The following CAPS2 variants were observed in gnomAD, a reference collection of about 807,000 sequenced individuals.
CAPS2 encodes calcyphosine 2.
Under a neutral mutation model 86.5 loss-of-function variants are expected in CAPS2, and 98 were observed. That is an observed-to-expected ratio of 1.13 (90% CI 0.96 to 1.34). The LOEUF (loss-of-function observed/expected upper bound fraction) is 1.34, where lower values mean the gene tolerates loss of function less well. CAPS2 is among the 40% of genes most tolerant of loss of function. The pLI is 0.00. For missense variants in CAPS2, 729 were observed against 686.8 expected (o/e 1.06, Z -0.69); for synonymous variants, 210 against 225.1 (o/e 0.93, Z 0.60).
chr12:75,304,730 CATTTTATGTAATTAAA>C lies in CAPS2; in HGVS notation c.779+11_779+26del. ...ATACTTTTAGAACATAGTGCATCCT[CATTTTATGTAATTAAA>C]ATCTTCTTACTTTGTTTCATGTAGT... On this transcript the variant is annotated intron_variant, in intron 8 of 16. Transcript: ENST00000393284. The C allele has an allele frequency of 6.7e-7, 1 of 1,495,506 alleles. No individual in the cohort carries two copies. The highest frequency in any genetic ancestry group is 9.1e-7 in the Non-Finnish European group (1 of 1,094,084). The allele number at this position is 1,495,506 out of a possible 1,614,324, so 92.6% of individuals were successfully genotyped here.
At chr12:75,377,631 G>A (rs902296360) in intron 1 of CAPS2, among the ~76,000 whole-genome samples, 5 of 152,070 alleles carry the variant, frequency 3.3e-5, no homozygotes, top group East Asian at 3.9e-4. Flanking sequence ...CTCACAAGTC[G>A]GCTCATTCCA....
intron 1 of CAPS2, among the ~76,000 whole-genome samples, chr12:75,341,745 C>CTGTTTTT (rs1565956607): frequency 7.1e-6 from 1 of 141,114 alleles, no homozygotes; most frequent in African/African-American, 2.7e-5. Context: ...CGCGCCCGGC[C>CTGTTTTT]TCTTTTTTTT....
chr12:75,334,572 C>G, upstream of CAPS2: 1 of 1,427,368 alleles, frequency 7.0e-7, no homozygotes, highest in Non-Finnish European at 9.1e-7. Flanking sequence ...TTCCCCACAG[C>G]GACACTGACA....
intron 9 of CAPS2, 148 bp downstream of exon 9, chr12:75,299,689 G>A: frequency 2.4e-6 from 1 of 419,366 alleles, no homozygotes; most frequent in Non-Finnish European, 4.3e-6. Flanking sequence ...CAGATTAATA[G>A]CTATTATTTT....
upstream of CAPS2, chr12:75,330,165 C>A: frequency 3.5e-6 from 1 of 284,142 alleles, no homozygotes; most frequent in South Asian, 1.6e-4. Flanking sequence ...TACGCCACCT[C>A]CCGCCCCCGC....
At chr12:75,362,922 T>G (rs980402511) in intron 1 of CAPS2, among the ~76,000 whole-genome samples, 17 of 152,304 alleles carry the variant, frequency 1.1e-4, no homozygotes, top group African/African-American at 4.1e-4. Context: ...ATTCATCCTG[T>G]AAGGAATTGT....
intron 2 of CAPS2, among the ~76,000 whole-genome samples, chr12:75,324,341 G>A (rs2040574001): frequency 6.6e-6 from 1 of 152,136 alleles, no homozygotes; most frequent in Non-Finnish European, 1.5e-5. Context: ...CTATGTATTT[G>A]ATTAATATTT....
intron 1 of CAPS2, among the ~76,000 whole-genome samples, chr12:75,375,245 C>G (rs897422625): frequency 6.6e-6 from 1 of 152,086 alleles, no homozygotes; most frequent in African/African-American, 2.4e-5. Flanking sequence ...ATCCAGGGAC[C>G]CACTGGCCCC....
intron 1 of CAPS2, among the ~76,000 whole-genome samples, chr12:75,335,811 T>G (rs1336301578): frequency 6.6e-6 from 1 of 152,032 alleles, no homozygotes; most frequent in African/African-American, 2.4e-5. Context: ...GTTTACCAGC[T>G]TGGGGTTGTC....
At chr12:75,303,631 C>G (rs1247614182) in intron 8 of CAPS2, among the ~76,000 whole-genome samples, 1 of 152,226 alleles carries the variant, frequency 6.6e-6, no homozygotes, top group African/African-American at 2.4e-5. Flanking sequence ...TTAAAAAGGA[C>G]AGTTTAGATG....
intron 4 of CAPS2, 135 bp from the exon 5 acceptor site, chr12:75,321,711 G>C (rs2040321985): frequency 7.4e-6 from 5 of 673,148 alleles, no homozygotes; most frequent in Non-Finnish European, 1.3e-5. Flanking sequence ...TCTAAGCAGA[G>C]ATGGTATTTA....
intron 1 of CAPS2, among the ~76,000 whole-genome samples, chr12:75,346,458 T>C (rs562003011): frequency 6.6e-6 from 1 of 152,196 alleles, no homozygotes; most frequent in Admixed American, 6.5e-5. Flanking sequence ...TGGCGTGATC[T>C]CAACTCACTG....
chr12:75,356,123 C>G (rs376940722), intron 1 of CAPS2, among the ~76,000 whole-genome samples: 1 of 151,604 alleles, frequency 6.6e-6, no homozygotes, highest in Non-Finnish European at 1.5e-5. Flanking sequence ...GCATTTTTAC[C>G]CTGGAACTTA....
intron 5 of CAPS2, among the ~76,000 whole-genome samples, chr12:75,316,939 T>A (rs1317810592): frequency 1.3e-5 from 2 of 152,130 alleles, no homozygotes; most frequent in Non-Finnish European, 2.9e-5. Flanking sequence ...TCTTTGACTA[T>A]GCGTTTACGC....
intron 1 of CAPS2, chr12:75,373,462 C>T (rs1593895198): frequency 6.6e-6 from 1 of 152,150 alleles, no homozygotes; most frequent in East Asian, 1.9e-4. Flanking sequence ...CTTCCAAGTC[C>T]CTGACCATCT....
intron 7 of CAPS2, chr12:75,306,425 G>T (rs962097197): frequency 8.6e-6 from 3 of 349,016 alleles, no homozygotes; most frequent in Non-Finnish European, 1.6e-5. Flanking sequence ...GGTGGGGGTG[G>T]GTCACTAGAG....
At chr12:75,363,110 T>C in intron 1 of CAPS2, 9 of 1,545,392 alleles carry the variant, frequency 5.8e-6, no homozygotes, top group Non-Finnish European at 7.8e-6. Context: ...AGAGGAAATT[T>C]TGCAAATATG....
In CAPS2 at chr12:75,282,237, C is replaced by T; in HGVS notation, c.1612+14G>A. 2 of 1,356,694 alleles carry T rather than the reference C, an allele frequency of 1.5e-6. No homozygotes were observed. Among genetic ancestry groups the T allele is most frequent in the Non-Finnish European group, 2.1e-6 (2 of 945,758 alleles). 84.0% of individuals were successfully genotyped at this position (1,356,694 alleles called of 1,614,324 possible). ...ATTTTCAAAGTCCAATGCATTTTAA[C>T]TCCGAATAATTACCTGAAATTACTT... On this transcript the variant is annotated intron_variant, in intron 16 of 16. Coordinates refer to ENST00000393284, the Ensembl canonical transcript of CAPS2.
chr12:75,334,953 A>T, upstream of CAPS2: 2 of 1,512,352 alleles, frequency 1.3e-6, no homozygotes, highest in Non-Finnish European at 1.8e-6. Flanking sequence ...ATCCTGAGGT[A>T]TCTGGGTGAT....
Sources: gnomAD v4.1 joint callset for allele counts (sites outside exome capture counted in the v4.1 genomes callset) on GRCh38, gnomAD v4.1.1 for gene constraint, MANE v1.5 for transcripts, NCBI Gene and HGNC (gene_info 2026-07-23, HGNC 2026-07-21) for gene names.